Variants in PCDH15 observed in about 807,000 individuals in gnomAD.
PCDH15 encodes protocadherin-15.
Under a neutral mutation model 178.5 loss-of-function variants are expected in PCDH15, and 129 were observed. The observed-to-expected ratio is 0.72, with a 90% CI of 0.63 to 0.84. The LOEUF is 0.84. Ranked by LOEUF, PCDH15 falls within the 40% of genes least tolerant of loss-of-function variation. PCDH15 has a pLI of 0.00. For synonymous variants in PCDH15, 800 were observed against 732.0 expected (o/e 1.09, Z -1.50); for missense variants, 2,230 against 2,099.9 (o/e 1.06, Z -1.21).
intron 26 of PCDH15, among the ~76,000 whole-genome samples, chr10:53,874,607 G>C (rs2080094033): frequency 6.6e-6 from 1 of 152,094 alleles, no homozygotes; most frequent in Non-Finnish European, 1.5e-5. Context: ...CCTGACAGAA[G>C]CAGGTGCTTT....
chr10:54,196,115 T>A (rs2049607612), intron 10 of PCDH15, among the ~76,000 whole-genome samples: 1 of 152,136 alleles, frequency 6.6e-6, no homozygotes, highest in Non-Finnish European at 1.5e-5. Flanking sequence ...TTTTAAAAAT[T>A]CACTGTAATA....
intron 1 of PCDH15, among the ~76,000 whole-genome samples, chr10:55,213,729 T>C (rs1011132211): frequency 6.6e-6 from 1 of 151,922 alleles, no homozygotes; most frequent in Non-Finnish European, 1.5e-5. Flanking sequence ...TTCTTCTTAA[T>C]GTTTACAATA....
chr10:55,284,944 G>C (rs577138301), intron 1 of PCDH15, among the ~76,000 whole-genome samples: 1 of 151,568 alleles, frequency 6.6e-6, no homozygotes, highest in African/African-American at 2.4e-5. Flanking sequence ...AGTCAAAGAC[G>C]GTATAAACAA....
chr10:54,052,313 T>G (rs989471655), intron 18 of PCDH15, among the ~76,000 whole-genome samples: 12 of 151,414 alleles, frequency 7.9e-5, no homozygotes, highest in African/African-American at 2.4e-4. Flanking sequence ...TGAAAGCAGT[T>G]AGGAGGGGGG....
chr10:54,660,125 A>G (rs1369040977), intron 2 of PCDH15, among the ~76,000 whole-genome samples: 1 of 152,184 alleles, frequency 6.6e-6, no homozygotes, highest in African/African-American at 2.4e-5. Flanking sequence ...CAAACAAGAG[A>G]TTAACAAAGC....
intron 2 of PCDH15, among the ~76,000 whole-genome samples, chr10:55,570,130 T>C (rs1011205346): frequency 3.9e-5 from 6 of 152,058 alleles, no homozygotes; most frequent in African/African-American, 1.4e-4. Context: ...ATTGCATTTT[T>C]ATAAATAGCT....
chr10:54,773,053 G>C (rs1304813752), intron 1 of PCDH15, among the ~76,000 whole-genome samples: 1 of 151,420 alleles, frequency 6.6e-6, no homozygotes, highest in African/African-American at 2.4e-5. Context: ...TGAATTATGA[G>C]AACACACGGA....
intron 1 of PCDH15, among the ~76,000 whole-genome samples, chr10:54,678,157 T>C (rs937238493): frequency 3.9e-5 from 6 of 152,330 alleles, no homozygotes; most frequent in African/African-American, 9.6e-5. Context: ...TATAAATATA[T>C]GTATATACAC....
chr10:55,214,583 T>A (rs533947350), intron 1 of PCDH15, among the ~76,000 whole-genome samples: 50 of 151,860 alleles, frequency 3.3e-4, no homozygotes, highest in Non-Finnish European at 6.6e-4. Context: ...TGGGAAAGGG[T>A]TACATTTTCC....
At chr10:55,320,581 C>T (rs992775948), upstream of PCDH15, among the ~76,000 whole-genome samples, 1 of 152,146 alleles carries the variant, frequency 6.6e-6, no homozygotes, top group Non-Finnish European at 1.5e-5. Flanking sequence ...AAAACCTTGG[C>T]CCTTCCAGTG....
chr10:53,912,202 A>T lies in PCDH15; in HGVS notation c.3374-8832T>A, dbSNP rs147276310. On this transcript the variant is annotated intron_variant, in intron 25 of 37. Transcript: ENST00000644397. ...GAGAAACAACAACAAAAACCACATG[A>T]TTATCTCAATAAATGCAGAAAAGGC... Among the ~76,000 whole-genome samples the T allele has an allele frequency of 3.8e-3, 584 of 152,282 alleles. 21 individuals are homozygous for T. In the South Asian group the frequency reaches 0.09, roughly 23 times the overall value.
intron 1 of PCDH15, among the ~76,000 whole-genome samples, chr10:55,260,754 T>G (rs1564943107): frequency 6.6e-6 from 1 of 152,224 alleles, no homozygotes; most frequent in Non-Finnish European, 1.5e-5. Context: ...AAGTTCATCC[T>G]ACCTGTAGGG....
intron 8 of PCDH15, among the ~76,000 whole-genome samples, chr10:54,300,252 C>G (rs2060068237): frequency 6.6e-6 from 1 of 152,206 alleles, no homozygotes; most frequent in Non-Finnish European, 1.5e-5. Context: ...CTTTCAAACT[C>G]TTATACCAAC....
At chr10:53,984,313 C>T (rs2090945517) in intron 21 of PCDH15, among the ~76,000 whole-genome samples, 1 of 151,766 alleles carries the variant, frequency 6.6e-6, no homozygotes, top group Non-Finnish European at 1.5e-5. Flanking sequence ...CCATGCTCGG[C>T]TAATTTTTTG....
intron 2 of PCDH15, among the ~76,000 whole-genome samples, chr10:54,986,756 C>T (rs1289466640): frequency 1.3e-5 from 2 of 152,050 alleles, no homozygotes; most frequent in African/African-American, 4.8e-5. Context: ...TTTGATGTGC[C>T]TGTGTAATGC....
intron 14 of PCDH15, among the ~76,000 whole-genome samples, chr10:54,142,653 G>C (rs1249194907): frequency 6.6e-6 from 1 of 152,050 alleles, no homozygotes; most frequent in African/African-American, 2.4e-5. Flanking sequence ...AATCGTAAAA[G>C]GCTATAAGAA....
intron 3 of PCDH15, among the ~76,000 whole-genome samples, chr10:54,427,296 G>A (rs1462356868): frequency 1.5e-4 from 1 of 6,760 alleles, no homozygotes; most frequent in East Asian, 4.8e-3. Context: ...TTTTTTTTTT[G>A]AGACTGGGTT....
chr10:53,866,390 A>G (rs1178952515), intron 27 of PCDH15, among the ~76,000 whole-genome samples: 2 of 151,126 alleles, frequency 1.3e-5, no homozygotes, highest in Admixed American at 6.6e-5. Context: ...TTTTTCAAAT[A>G]TTATAATGTT....
chr10:54,513,967 T>A (rs940995284), intron 3 of PCDH15, among the ~76,000 whole-genome samples: 1 of 152,216 alleles, frequency 6.6e-6, no homozygotes, highest in East Asian at 1.9e-4. Context: ...CAGGCTTGCA[T>A]GTTTACCTTC....
Sources: gnomAD v4.1 joint callset for allele counts (sites outside exome capture counted in the v4.1 genomes callset) on GRCh38, gnomAD v4.1.1 for gene constraint, MANE v1.5 for transcripts, NCBI Gene and HGNC (gene_info 2026-07-23, HGNC 2026-07-21) for gene names.